The following THSD4 variants were observed in gnomAD, a reference collection of about 807,000 sequenced individuals.
THSD4 encodes thrombospondin type-1 domain-containing protein 4.
A neutral mutation model predicts 119.0 loss-of-function variants in THSD4; 69 were observed. The observed-to-expected ratio is 0.58, with a 90% confidence interval of 0.48 to 0.71. THSD4 has a LOEUF of 0.71. Among genes scored for constraint, THSD4 ranks in the 30% least tolerant of loss-of-function variants. THSD4 has a pLI of 0.00. For synonymous variants in THSD4, 524 were observed against 540.4 expected, an observed-to-expected ratio of 0.97 and a Z score of 0.42; for missense variants, 1,393 against 1,391.1, an observed-to-expected ratio of 1.00 and a Z score of -0.02.
chr15:71,660,879 C>T (rs2051292891), intron 8 of THSD4, 145 bp downstream of exon 8: 1 of 882,142 alleles, frequency 1.1e-6, no homozygotes, highest in Non-Finnish European at 1.7e-6. Flanking sequence ...ACCACCTGGC[C>T]TGCGCCTTGA....
intron 7 of THSD4, among the ~76,000 whole-genome samples, chr15:71,435,538 C>T (rs1426305308): frequency 6.6e-6 from 1 of 152,116 alleles, no homozygotes; most frequent in Non-Finnish European, 1.5e-5. Context: ...AGGCTTTTTT[C>T]ATGGAAAGTC....
chr15:71,514,328 T>G (rs1366759570), intron 7 of THSD4, among the ~76,000 whole-genome samples: 1 of 152,146 alleles, frequency 6.6e-6, no homozygotes, highest in African/African-American at 2.4e-5. Flanking sequence ...CCTGCAGAAG[T>G]AATTAGGAGG....
chr15:71,535,793 A>G (rs2048682077), intron 7 of THSD4, among the ~76,000 whole-genome samples: 1 of 152,206 alleles, frequency 6.6e-6, no homozygotes, highest in South Asian at 2.1e-4. Flanking sequence ...TCATTTTATT[A>G]TTAAAGTATA....
chr15:71,435,326 T>G (rs919901758), intron 7 of THSD4, among the ~76,000 whole-genome samples: 4 of 152,214 alleles, frequency 2.6e-5, no homozygotes, highest in African/African-American at 9.6e-5. Context: ...AAGCAGACAG[T>G]TTACATGTAC....
chr15:71,217,583 A>G (rs1390297593), intron 4 of THSD4, among the ~76,000 whole-genome samples: 2 of 150,856 alleles, frequency 1.3e-5, no homozygotes, highest in African/African-American at 2.4e-5. Context: ...AGATCGCACC[A>G]CTGTACTCCA....
chr15:71,406,839 C>T (rs2046616246), intron 6 of THSD4, among the ~76,000 whole-genome samples: 1 of 151,860 alleles, frequency 6.6e-6, no homozygotes, highest in East Asian at 1.9e-4. Context: ...GCCACCAAGC[C>T]CGGCTAATTT....
intron 9 of THSD4, 176 bp from the exon 10 acceptor site, chr15:71,730,945 C>T (rs1359389675): frequency 6.7e-6 from 4 of 596,996 alleles, no homozygotes; most frequent in African/African-American, 5.6e-5. Flanking sequence ...AAGTAAATGA[C>T]AAAAAGCCAT....
intron 3 of THSD4, among the ~76,000 whole-genome samples, chr15:71,205,474 A>G (rs949421123): frequency 6.6e-6 from 1 of 152,076 alleles, no homozygotes; most frequent in African/African-American, 2.4e-5. Context: ...ATTTTCTCTA[A>G]AGCGTGGCTG....
chr15:71,154,421 G>T (rs74527737), intron 2 of THSD4, among the ~76,000 whole-genome samples: 201 of 152,346 alleles, frequency 1.3e-3, no homozygotes, highest in African/African-American at 4.8e-3. Context: ...TTCCCTGGCA[G>T]GCTCAAAGCC....
At chr15:71,375,597 C>A (rs904739689) in intron 6 of THSD4, among the ~76,000 whole-genome samples, 1 of 152,096 alleles carries the variant, frequency 6.6e-6, no homozygotes, top group Non-Finnish European at 1.5e-5. Context: ...TTGATGATGT[C>A]CTCTGTGAGT....
At chr15:71,288,098 T>C (rs191103676) in intron 6 of THSD4, among the ~76,000 whole-genome samples, 6 of 152,308 alleles carry the variant, frequency 3.9e-5, no homozygotes, top group Non-Finnish European at 8.8e-5. Flanking sequence ...ACATGTAAAA[T>C]GCTTATCAAA....
chr15:71,546,952 G>A (rs1362056996), intron 7 of THSD4, among the ~76,000 whole-genome samples: 1 of 152,202 alleles, frequency 6.6e-6, no homozygotes, highest in African/African-American at 2.4e-5. Context: ...GACTAGGAAG[G>A]CCCTGGCTCT....
At chr15:71,649,298 AG>A (rs113173404) in intron 7 of THSD4, among the ~76,000 whole-genome samples, 43,366 of 151,604 alleles carry the variant, frequency 0.29, 6,693 homozygotes, top group East Asian at 0.63. Context: ...TTTGAGACAG[AG>A]TTTCATTCTT....
intron 7 of THSD4, among the ~76,000 whole-genome samples, chr15:71,437,431 C>T (rs1251604944): frequency 6.6e-6 from 1 of 152,124 alleles, no homozygotes; most frequent in Non-Finnish European, 1.5e-5. Context: ...TTTCTTCCTG[C>T]GATATGAGTT....
At chr15:71,276,059 A>G (rs1429501305) in intron 6 of THSD4, among the ~76,000 whole-genome samples, 1 of 152,236 alleles carries the variant, frequency 6.6e-6, no homozygotes, top group Non-Finnish European at 1.5e-5. Context: ...TTTCTTAGAA[A>G]TTTCTGTGAG....
chr15:71,673,099 C>T (rs942830090), intron 8 of THSD4, among the ~76,000 whole-genome samples: 1 of 152,220 alleles, frequency 6.6e-6, no homozygotes, highest in Non-Finnish European at 1.5e-5. Flanking sequence ...TAGAATTCGG[C>T]TGTGAATCCG....
intron 1 of THSD4, among the ~76,000 whole-genome samples, chr15:71,124,129 G>A (rs1240696172): frequency 6.6e-6 from 1 of 152,064 alleles, no homozygotes; most frequent in Non-Finnish European, 1.5e-5. Flanking sequence ...GTCAAGATTG[G>A]GGGTCCGCAT....
chr15:71,776,932 T>G (rs984261416), intron 17 of THSD4, among the ~76,000 whole-genome samples: 1 of 152,176 alleles, frequency 6.6e-6, no homozygotes. Context: ...AAGAAATGTT[T>G]GGGGATAAGA....
At chr15:71,182,320 A>G (rs140864917) in intron 3 of THSD4, among the ~76,000 whole-genome samples, 7 of 151,886 alleles carry the variant, frequency 4.6e-5, no homozygotes, top group African/African-American at 1.7e-4. Context: ...TAAATACATT[A>G]TAAATTTGTT....
Sources: gnomAD v4.1 joint callset for allele counts (sites outside exome capture counted in the v4.1 genomes callset) on GRCh38, gnomAD v4.1.1 for gene constraint, MANE v1.5 for transcripts, NCBI Gene and HGNC (gene_info 2026-07-23, HGNC 2026-07-21) for gene names.